The following STXBP5 variants were observed in gnomAD, a reference collection of about 807,000 sequenced individuals.
The protein encoded by STXBP5 is syntaxin binding protein 5, also known as syntaxin-binding protein 5.
In STXBP5, 50 loss-of-function variants were observed where a neutral mutation model predicts 152.4. The observed-to-expected ratio is 0.33, with a 90% CI of 0.26 to 0.42. The LOEUF is 0.42. Among genes scored for constraint, STXBP5 ranks in the 10% least tolerant of loss-of-function variants. STXBP5 has a pLI of 1.00. For synonymous variants in STXBP5, 492 were observed against 494.7 expected, an observed-to-expected ratio of 0.99 and a Z score of 0.07; for missense variants, 1,167 against 1,388.6, an observed-to-expected ratio of 0.84 and a Z score of 2.54.
rs1323433927 is a variant in STXBP5 at position 147,388,066 on chromosome 6, T to C, written c.*3311T>C. 3.3e-5 allele frequency: 5 copies of C among 151,978 alleles called. No individual in the cohort carries two copies. The highest frequency in any genetic ancestry group is 2.6e-4 in the Admixed American group (4 of 15,236). The allele number at this position is 151,978 out of a possible 1,614,324, so 9.4% of individuals were successfully genotyped here. A position where few individuals can be genotyped will look rare whatever the true frequency, so the allele number is the denominator to read the frequency against. On this transcript the variant is annotated 3_prime_UTR_variant, in exon 28 of 28. Coordinates refer to ENST00000321680, the MANE Select transcript of STXBP5 (RefSeq NM_001127715.4). ...GTAAATTTTTTGTGGCAAAGATTTA[T>C]TTTACACTTTAACTTTTGGGATTTT...
At chr6:147,359,479 CTTTAAG>C (rs1459336729) in intron 23 of STXBP5, among the ~76,000 whole-genome samples, 156 bp downstream of exon 23, 2 of 151,718 alleles carry the variant, frequency 1.3e-5, no homozygotes, top group South Asian at 2.1e-4. Context: ...AATTATTATA[CTTTAAG>C]TTTTAGGGTA....
intron 25 of STXBP5, among the ~76,000 whole-genome samples, chr6:147,370,908 C>T (rs894020742): frequency 5.3e-5 from 8 of 152,002 alleles, no homozygotes; most frequent in African/African-American, 1.7e-4. Context: ...ATTTGATGCA[C>T]TGTAAAGGAC....
At chr6:147,243,671 A>G (rs1395705977) in intron 4 of STXBP5, among the ~76,000 whole-genome samples, 3 of 152,090 alleles carry the variant, frequency 2.0e-5, no homozygotes, top group Admixed American at 6.5e-5. Flanking sequence ...CACTACCTAG[A>G]TTGCCTCCTG....
intron 9 of STXBP5, among the ~76,000 whole-genome samples, chr6:147,307,121 T>C (rs1428401846): frequency 6.6e-6 from 1 of 152,310 alleles, no homozygotes; most frequent in South Asian, 2.1e-4. Flanking sequence ...AACCTATTGT[T>C]AAGGCAGGCC....
chr6:147,314,194 C>CACACAA (rs1554297152), intron 12 of STXBP5, 70 bp from the exon 13 acceptor site: 3 of 1,392,382 alleles, frequency 2.2e-6, no homozygotes, highest in Non-Finnish European at 3.1e-6. Flanking sequence ...CACACACACA[C>CACACAA]ACACACACAC....
At chr6:147,224,556 T>C (rs1777616061) in intron 2 of STXBP5, among the ~76,000 whole-genome samples, 2 of 152,262 alleles carry the variant, frequency 1.3e-5, no homozygotes, top group South Asian at 2.1e-4. Flanking sequence ...ATGAGAAAAC[T>C]ACAGCACAGT....
At chr6:147,263,060 C>T (rs577195583) in intron 6 of STXBP5, among the ~76,000 whole-genome samples, 1 of 151,882 alleles carries the variant, frequency 6.6e-6, no homozygotes, top group East Asian at 1.9e-4. Context: ...AAAGTGAAAC[C>T]TCTGGATTTT....
In STXBP5 at chr6:147,314,325, T is replaced by C; in HGVS notation, c.1355T>C (p.Ile452Thr). The change falls in exon 13 of 28, where the codon ATT becomes ACT. Residue 452 changes from isoleucine (I) to threonine (T), a missense_variant. Ile to Thr is a moderately conservative substitution (Grantham distance 89, BLOSUM62 -1). Coordinates refer to ENST00000321680, the MANE Select transcript of STXBP5 (RefSeq NM_001127715.4). ...GCTCAAAGTTACCCAGAAATAATTA[T>C]TACAGGGTAAGTAAAAGTCTGTCTT... ...LGAQSYPEIIITGHADGSVKF... is the reference protein window; with the variant it reads ...LGAQSYPEIITTGHADGSVKF... 1 of 1,611,652 alleles carries C rather than the reference T, an allele frequency of 6.2e-7. No individual in the cohort carries two copies. The highest frequency in any genetic ancestry group is 8.5e-7 in the Non-Finnish European group (1 of 1,177,908).
At chr6:147,238,700 T>C (rs1778396508) in intron 3 of STXBP5, among the ~76,000 whole-genome samples, 1 of 152,196 alleles carries the variant, frequency 6.6e-6, no homozygotes, top group Non-Finnish European at 1.5e-5. Flanking sequence ...CCAAATGCTA[T>C]GTTTATTTTC....
At chr6:147,253,930 A>T (rs1779227715) in intron 4 of STXBP5, among the ~76,000 whole-genome samples, 2 of 152,224 alleles carry the variant, frequency 1.3e-5, no homozygotes, top group Non-Finnish European at 2.9e-5. Flanking sequence ...TCTTCACAGA[A>T]TTAGAAAAAA....
At chr6:147,339,876 T>G (rs1284436454) in intron 21 of STXBP5, among the ~76,000 whole-genome samples, 1 of 151,960 alleles carries the variant, frequency 6.6e-6, no homozygotes, top group Non-Finnish European at 1.5e-5. Flanking sequence ...CCCTACTCTC[T>G]CACCGCAAGT....
rs139113566 is a variant in STXBP5 at position 147,381,023 on chromosome 6, A to T, written c.3194-1755A>T. ...AAGCACATCTTACATGGCAGCAGGC[A>T]AGAGAGCATGTGCAGGGGAACTGCC... On this transcript the variant is annotated intron_variant, in intron 26 of 27. Coordinates refer to ENST00000321680, the MANE Select transcript of STXBP5 (RefSeq NM_001127715.4). Among the ~76,000 whole-genome samples, 14 of 152,246 alleles carry T rather than the reference A, an allele frequency of 9.2e-5. No individual in the cohort carries two copies. The East Asian group carries it at 2.7e-3, about 30-fold the overall frequency.
rs369191946 is a variant in STXBP5 at position 147,384,716 on chromosome 6, T to C, written c.3417T>C (p.Ile1139=). ...TTTTCTTTTTTTTCCCCCTTTAGATTATGTTGAAATACAAAGATAAGAAGT... is the reference window on the plus strand; with the variant it reads ...TTTTCTTTTTTTTCCCCCTTTAGATCATGTTGAAATACAAAGATAAGAAGT... ...AESFSKHAHE[I]MLKYKDKKWY... The change falls in exon 28 of 28, where the codon ATT becomes ATC. Residue 1139 remains isoleucine (I), a splice_region_variant and synonymous_variant. Transcript: ENST00000321680. The C allele has an allele frequency of 5.0e-6, 8 of 1,611,748 alleles. No homozygotes were observed. The African/African-American group carries it at 9.4e-5, about 19-fold the overall frequency.
In STXBP5 at chr6:147,315,633, C is replaced by A. The variant is rs146948967; in HGVS notation, c.1521C>A (p.Ile507=). The A allele has an allele frequency of 1.1e-5, 17 of 1,613,814 alleles. No homozygotes were observed. The highest frequency in any genetic ancestry group is 1.3e-5 in the Non-Finnish European group (15 of 1,179,908). The change falls in exon 15 of 28, where the codon ATC becomes ATA. Residue 507 remains isoleucine (I), a synonymous_variant. Coordinates refer to ENST00000321680, the MANE Select transcript of STXBP5 (RefSeq NM_001127715.4). ...VDEDPYAIQI[I]SWCPESRMLC... is the part of the protein sequence containing the mutation. ...AAGATCCATATGCCATTCAGATCAT[C>A]TCCTGGTGTCCAGAAAGTAGAATGC... is the stretch of plus-strand genomic sequence containing the variant.
intron 25 of STXBP5, among the ~76,000 whole-genome samples, chr6:147,364,956 C>T (rs1217499409): frequency 6.6e-6 from 1 of 152,150 alleles, no homozygotes; most frequent in Admixed American, 6.5e-5. Flanking sequence ...ATCTTGCTAA[C>T]TATACAATTA....
chr6:147,227,900 C>T (rs78554063), intron 2 of STXBP5, among the ~76,000 whole-genome samples: 2,732 of 152,098 alleles, frequency 0.018, 86 homozygotes, highest in African/African-American at 0.063. Context: ...CTTCCTTCTC[C>T]CCCACTTCCC....
intron 9 of STXBP5, among the ~76,000 whole-genome samples, chr6:147,299,167 A>G (rs1306283550): frequency 6.6e-6 from 1 of 151,914 alleles, no homozygotes; most frequent in East Asian, 1.9e-4. Context: ...CAGAGATGAA[A>G]AAGGAAACAT....
intron 21 of STXBP5, among the ~76,000 whole-genome samples, chr6:147,340,707 G>A (rs1228770600): frequency 1.3e-5 from 2 of 151,938 alleles, no homozygotes; most frequent in Non-Finnish European, 2.9e-5. Flanking sequence ...CAATTTTTCT[G>A]TCTTATATTT....
intron 2 of STXBP5, among the ~76,000 whole-genome samples, chr6:147,208,165 G>T (rs1413509776): frequency 1.3e-5 from 2 of 152,038 alleles, no homozygotes; most frequent in Non-Finnish European, 2.9e-5. Context: ...TCCTTACTAA[G>T]AATGAAGTAT....
Sources: allele counts gnomAD v4.1 joint callset (sites outside exome capture counted in the v4.1 genomes callset), GRCh38; gene constraint gnomAD v4.1.1; transcripts MANE v1.5; gene names NCBI Gene and HGNC (gene_info 2026-07-23, HGNC 2026-07-21).